WASF1: variants seen among roughly 807,000 people sequenced by gnomAD.
WASF1 encodes the protein actin-binding protein WASF1.
Under a neutral mutation model 50.5 loss-of-function variants are expected in WASF1, and 7 were observed. That is an observed-to-expected ratio of 0.14 (90% CI 0.08 to 0.26). The LOEUF (loss-of-function observed/expected upper bound fraction) is 0.26. Ranked by LOEUF, WASF1 falls within the 10% of genes least tolerant of loss-of-function variation. The pLI, the probability that WASF1 is intolerant of heterozygous loss-of-function variation, is 1.00. For missense variants in WASF1, 470 were observed against 694.7 expected, an observed-to-expected ratio of 0.68 and a Z score of 3.64; for synonymous variants, 205 against 244.0, an observed-to-expected ratio of 0.84 and a Z score of 1.49.
chr6:110,159,476 CTTTACT>C (rs58466785), intron 3 of WASF1, among the ~76,000 whole-genome samples: 10,987 of 151,754 alleles, frequency 0.072, 521 homozygotes, highest in African/African-American at 0.14. Flanking sequence ...TTTTCCACAC[CTTTACT>C]TTTATCTTTT....
intron 5 of WASF1, 119 bp downstream of exon 5, chr6:110,113,203 TGTAC>T: frequency 1.2e-6 from 1 of 850,950 alleles, no homozygotes; most frequent in Non-Finnish European, 1.6e-6. Flanking sequence ...TATTACAATA[TGTAC>T]ACCAAAGGAC....
At chr6:110,104,650 G>T (rs548815242) in intron 8 of WASF1, among the ~76,000 whole-genome samples, 1 of 152,122 alleles carries the variant, frequency 6.6e-6, no homozygotes, top group Non-Finnish European at 1.5e-5. Flanking sequence ...TTAGCTGGGC[G>T]TGGTGGCGTG....
At position 110,127,486 on chromosome 6, in the gene WASF1, C is replaced by T. The variant is rs767912642; in HGVS notation, c.116G>A (p.Arg39Lys). 6.2e-7 allele frequency: 1 copy of T among 1,602,258 alleles called. No individual in the cohort carries two copies. ...ATACTTACTTAGGCTACTTAGTTGT[C>T]TAATTATATTTGCCAAGGAAATATT... is the stretch of plus-strand genomic sequence containing the variant. ...VTNISLANII[R>K]QLSSLSKYAE... Residue 39 changes from arginine to lysine, a missense_variant, in exon 4 of 11, where the codon AGA (arginine) becomes AAA (lysine). This residue lies in a region of WASF1 where 140 missense variants were observed against 260.5 expected (regional missense o/e 0.54). Coordinates refer to ENST00000392589, the MANE Select transcript of WASF1 (RefSeq NM_003931.3).
chr6:110,177,653 G>A (rs922444560), intron 2 of WASF1, among the ~76,000 whole-genome samples: 3 of 151,972 alleles, frequency 2.0e-5, no homozygotes, highest in African/African-American at 7.2e-5. Context: ...TAAATTGCAA[G>A]GTCATTTCCT....
chr6:110,121,148 C>T (rs1774100997), intron 4 of WASF1, among the ~76,000 whole-genome samples: 1 of 152,148 alleles, frequency 6.6e-6, no homozygotes, highest in African/African-American at 2.4e-5. Context: ...ATGACTAAAA[C>T]ACCAAAAGCA....
chr6:110,122,777 C>T (rs552570302), intron 4 of WASF1, among the ~76,000 whole-genome samples: 18 of 151,964 alleles, frequency 1.2e-4, no homozygotes, highest in Non-Finnish European at 2.4e-4. Flanking sequence ...TTTATGTTCT[C>T]GGTAAGGCTT....
chr6:110,132,443 G>T (rs1774721541), intron 3 of WASF1, among the ~76,000 whole-genome samples: 1 of 151,484 alleles, frequency 6.6e-6, no homozygotes, highest in Non-Finnish European at 1.5e-5. Context: ...AGCAGAAAAG[G>T]CTTCAACATT....
At chr6:110,158,601 G>A (rs1383385646) in intron 3 of WASF1, among the ~76,000 whole-genome samples, 1 of 151,872 alleles carries the variant, frequency 6.6e-6, no homozygotes, top group Non-Finnish European at 1.5e-5. Flanking sequence ...TATATAAAAG[G>A]AGAATCTTAG....
At chr6:110,115,655 A>G (rs1236266007) in intron 4 of WASF1, among the ~76,000 whole-genome samples, 1 of 152,232 alleles carries the variant, frequency 6.6e-6, no homozygotes, top group African/African-American at 2.4e-5. Flanking sequence ...CTCATTACAC[A>G]TGGTATTCTG....
At chr6:110,108,832 G>A in intron 5 of WASF1, 151 bp from the exon 6 acceptor site, 1 of 671,724 alleles carries the variant, frequency 1.5e-6, no homozygotes, top group Non-Finnish European at 2.4e-6. Flanking sequence ...TATTTTAAAT[G>A]TTCTATCATT....
In WASF1 at chr6:110,148,579, CAG is replaced by C. The variant is rs1775684505; in HGVS notation, c.-29+12054_-29+12055del. On this transcript the variant is annotated intron_variant, in intron 3 of 10. Transcript: ENST00000392589. ...CAAGCCATCATGGGTGAAGTGCAAT[CAG>C]AGACTCTAGGGTTAGTAGGGGGTCA... is the stretch of plus-strand genomic sequence containing the variant. 3.3e-5 allele frequency among the ~76,000 whole-genome samples: 5 copies of C among 152,034 alleles called. No individual in the cohort carries two copies. The South Asian group carries it at 1.0e-3, about 32-fold the overall frequency.
Position 110,101,775 on chromosome 6 carries a change from A to G in WASF1, c.1335T>C (p.Val445=). Residue 445 remains valine, a synonymous_variant, in exon 10 of 11, where the codon GTT becomes GTC. Coordinates refer to ENST00000392589, the MANE Select transcript of WASF1 (RefSeq NM_003931.3). ...CAGAGGGAGGATGAGCAAGAGCTGT[A>G]ACTGTGACAGGTGATGATGGTCGAA... ...PGIRPSSPVT[V]TALAHPPSGL... The G allele has an allele frequency of 6.2e-7, 1 of 1,614,118 alleles. No homozygotes were observed. Among genetic ancestry groups the G allele is most frequent in the East Asian group, 2.2e-5 (1 of 44,876 alleles).
At chr6:110,169,808 G>T (rs532830465) in intron 2 of WASF1, among the ~76,000 whole-genome samples, 1 of 152,240 alleles carries the variant, frequency 6.6e-6, no homozygotes, top group South Asian at 2.1e-4. Context: ...CAGGGTTGTT[G>T]TGAGGATTAA....
Position 110,155,153 on chromosome 6 carries a change from T to C in WASF1, c.-29+5482A>G, listed in dbSNP as rs891546160. On this transcript the variant is annotated intron_variant, in intron 3 of 10. Coordinates refer to ENST00000392589, the MANE Select transcript of WASF1 (RefSeq NM_003931.3). Reference sequence around the variant, plus strand: ...GCTTTGTCTATAGAGTAAATCAATATAGATTTACTTAATCTATAGTTCTCC... The same window carrying C: ...GCTTTGTCTATAGAGTAAATCAATACAGATTTACTTAATCTATAGTTCTCC... Among the ~76,000 whole-genome samples the C allele has an allele frequency of 4.6e-5, 7 of 152,206 alleles. No homozygotes were observed. The East Asian group carries it at 5.8e-4, about 13-fold the overall frequency.
In WASF1 at chr6:110,126,165, A is replaced by G. The variant is rs535799086; in HGVS notation, c.133+1304T>C. Among the ~76,000 whole-genome samples, 40 of 152,328 alleles carry G rather than the reference A, an allele frequency of 2.6e-4. No individual in the cohort carries two copies. The South Asian group carries it at 8.1e-3, about 31-fold the overall frequency. On this transcript the variant is annotated intron_variant, in intron 4 of 10. Coordinates refer to ENST00000392589, the MANE Select transcript of WASF1 (RefSeq NM_003931.3). ...TATAAAACAAATTTTATATGACATC[A>G]TGTTATACTTGATTCAATCCGTGCT...
chr6:110,165,282 A>C (rs1238983461), intron 2 of WASF1, among the ~76,000 whole-genome samples: 2 of 151,708 alleles, frequency 1.3e-5, no homozygotes, highest in African/African-American at 4.8e-5. Flanking sequence ...GTGGGGTCAG[A>C]GAATATATGG....
chr6:110,175,152 C>T (rs1776875609), intron 2 of WASF1, among the ~76,000 whole-genome samples: 2 of 152,170 alleles, frequency 1.3e-5, no homozygotes, highest in South Asian at 4.1e-4. Flanking sequence ...TATCTTCATA[C>T]TCCCACTTCA....
chr6:110,178,974 G>A (rs989910760), intron 1 of WASF1, among the ~76,000 whole-genome samples: 1 of 152,242 alleles, frequency 6.6e-6, no homozygotes, highest in Non-Finnish European at 1.5e-5. Flanking sequence ...TATGTTTTCA[G>A]ACACCGACTC....
rs1554200268 is a variant in WASF1 at position 110,113,477 on chromosome 6, C to T, written c.134-17G>A. Reference sequence around the variant, plus strand: ...CATATTTACCTAAGCAAAAATGACACATATATCATAAAATTTAACATCCAG... The same window carrying T: ...CATATTTACCTAAGCAAAAATGACATATATATCATAAAATTTAACATCCAG... On this transcript the variant is annotated splice_polypyrimidine_tract_variant and intron_variant, in intron 4 of 10. Coordinates refer to ENST00000392589, the MANE Select transcript of WASF1 (RefSeq NM_003931.3). 2.4e-5 allele frequency: 38 copies of T among 1,567,718 alleles called. No individual in the cohort carries two copies. The highest frequency in any genetic ancestry group is 2.8e-5 in the Non-Finnish European group (33 of 1,158,986).
Sources: allele counts gnomAD v4.1 joint callset (sites outside exome capture counted in the v4.1 genomes callset), GRCh38; gene constraint gnomAD v4.1.1; regional missense constraint gnomAD v4.1.1; transcripts MANE v1.5; gene names NCBI Gene and HGNC (gene_info 2026-07-23, HGNC 2026-07-21).